Variants in GRM5 observed in about 807,000 individuals in gnomAD.
GRM5 encodes metabotropic glutamate receptor 5.
A neutral mutation model predicts 83.1 loss-of-function variants in GRM5; 19 were observed. That is an observed-to-expected ratio of 0.23 (90% CI 0.16 to 0.34). The LOEUF is 0.34. Ranked by LOEUF, GRM5 falls within the 10% of genes least tolerant of loss-of-function variation. The probability of loss-of-function intolerance (pLI) is 1.00; values close to 1 mark genes in which losing one functional copy is unlikely to be tolerated. For synonymous variants in GRM5, 675 were observed against 633.6 expected, an observed-to-expected ratio of 1.07 and a Z score of -0.98; for missense variants, 1,160 against 1,588.3, an observed-to-expected ratio of 0.73 and a Z score of 4.58.
At chr11:88,644,239 T>C (rs1393033638) in intron 4 of GRM5, among the ~76,000 whole-genome samples, 11 of 152,162 alleles carry the variant, frequency 7.2e-5, no homozygotes, top group Admixed American at 7.2e-4. Flanking sequence ...TATATGAGGA[T>C]TTTAGACCCA....
At chr11:88,829,143 G>A (rs1357862804) in intron 3 of GRM5, among the ~76,000 whole-genome samples, 1 of 151,100 alleles carries the variant, frequency 6.6e-6, no homozygotes, top group Non-Finnish European at 1.5e-5. Context: ...CAAGTATTAA[G>A]TATAATAGAA....
rs1316677477 is a variant in GRM5 at position 88,567,522 on chromosome 11, G to A, written c.2161C>T (p.His721Tyr). The A allele has an allele frequency of 6.2e-7, 1 of 1,613,662 alleles. No homozygotes were observed. Among genetic ancestry groups the A allele is most frequent in the Non-Finnish European group, 8.5e-7 (1 of 1,179,550 alleles). ...LFIMEPPDIM[H>Y]DYPSIREVYL... ...ACTTCTCGAATGCTTGGGTAGTCATGCATTATGTCAGGAGGCTCCATTATA... is the reference window on the plus strand; with the variant it reads ...ACTTCTCGAATGCTTGGGTAGTCATACATTATGTCAGGAGGCTCCATTATA... Residue 721 changes from histidine to tyrosine, a missense_variant, in exon 8 of 10, where the codon CAT (histidine) becomes TAT (tyrosine). His to Tyr is a moderately conservative substitution (Grantham distance 83). Coordinates refer to ENST00000305447, the MANE Select transcript of GRM5 (RefSeq NM_001143831.3). This position sits in a 1 kb window ranked among gnomAD's most constrained non-coding sequence, Gnocchi z 7.3.
intron 3 of GRM5, among the ~76,000 whole-genome samples, chr11:88,686,009 C>T (rs2135351597): frequency 6.6e-6 from 1 of 152,176 alleles, no homozygotes; most frequent in East Asian, 1.9e-4. Context: ...GAGAAGAGGT[C>T]GACTGTCCTC....
intron 3 of GRM5, among the ~76,000 whole-genome samples, chr11:88,832,741 C>A (rs553945375): frequency 6.6e-6 from 1 of 152,036 alleles, no homozygotes; most frequent in African/African-American, 2.4e-5. Context: ...GTGACCAAAA[C>A]AATATGGTAT....
chr11:88,662,053 A>T (rs1939920950), intron 3 of GRM5, among the ~76,000 whole-genome samples: 1 of 152,184 alleles, frequency 6.6e-6, no homozygotes, highest in African/African-American at 2.4e-5. Flanking sequence ...ATATCAGAAC[A>T]TTCAAAAGAA....
chr11:89,000,165 C>G (rs959744142), intron 2 of GRM5, among the ~76,000 whole-genome samples: 3 of 152,188 alleles, frequency 2.0e-5, no homozygotes, highest in African/African-American at 4.8e-5. Flanking sequence ...GTGCAGCACA[C>G]CAACATGGCA....
chr11:88,815,319 A>G (rs1294429144), intron 3 of GRM5, among the ~76,000 whole-genome samples: 1 of 152,240 alleles, frequency 6.6e-6, no homozygotes, highest in Non-Finnish European at 1.5e-5. Context: ...AAACATTTAT[A>G]ATAACTCATG....
At chr11:88,769,606 A>C (rs1197574439) in intron 3 of GRM5, among the ~76,000 whole-genome samples, 1 of 152,040 alleles carries the variant, frequency 6.6e-6, no homozygotes, top group Non-Finnish European at 1.5e-5. Context: ...CAACAGCAAG[A>C]ACAAAATACA....
At chr11:88,634,667 A>T (rs1028171311) in intron 4 of GRM5, among the ~76,000 whole-genome samples, 1 of 152,200 alleles carries the variant, frequency 6.6e-6, no homozygotes, top group African/African-American at 2.4e-5. Flanking sequence ...GACTTGCCTG[A>T]GGATGTTTTA....
intron 1 of GRM5, among the ~76,000 whole-genome samples, chr11:89,065,214 C>T (rs1942075581): frequency 6.6e-6 from 1 of 151,460 alleles, no homozygotes; most frequent in Admixed American, 6.6e-5. Context: ...CCCTCAAACA[C>T]CTAATGGGCT....
chr11:88,633,693 T>A (rs1565163351), intron 4 of GRM5, among the ~76,000 whole-genome samples: 1 of 152,142 alleles, frequency 6.6e-6, no homozygotes, highest in Non-Finnish European at 1.5e-5. Context: ...TTATTAGTTT[T>A]TGTAAAGAGG....
At chr11:88,803,566 C>A (rs868722077) in intron 3 of GRM5, among the ~76,000 whole-genome samples, 1 of 152,170 alleles carries the variant, frequency 6.6e-6, no homozygotes, top group Non-Finnish European at 1.5e-5. Flanking sequence ...AACGTTGGAC[C>A]TAAAACCATA....
At chr11:88,597,881 T>C (rs964451726) in intron 5 of GRM5, among the ~76,000 whole-genome samples, 1 of 152,104 alleles carries the variant, frequency 6.6e-6, no homozygotes, top group African/African-American at 2.4e-5. Flanking sequence ...TTTAAAAAAG[T>C]TTGAAAATAG....
At chr11:88,815,374 G>A (rs913633205) in intron 3 of GRM5, among the ~76,000 whole-genome samples, 3 of 152,146 alleles carry the variant, frequency 2.0e-5, no homozygotes, top group African/African-American at 7.2e-5. Context: ...ATATTTTGAA[G>A]TATATACAAA....
intron 2 of GRM5, among the ~76,000 whole-genome samples, chr11:88,853,572 T>C (rs1394730928): frequency 2.2e-5 from 3 of 135,356 alleles, no homozygotes; most frequent in African/African-American, 5.4e-5. Context: ...TTAAAAGTAG[T>C]TACTTTTTAA....
At chr11:88,904,557 AT>A (rs2135599186) in intron 2 of GRM5, among the ~76,000 whole-genome samples, 1 of 152,276 alleles carries the variant, frequency 6.6e-6, no homozygotes, top group East Asian at 1.9e-4. Flanking sequence ...AACACTGGAA[AT>A]AGCTTTAGCT....
At chr11:88,828,806 TGGC>T (rs1943937240) in intron 3 of GRM5, among the ~76,000 whole-genome samples, 1 of 152,078 alleles carries the variant, frequency 6.6e-6, no homozygotes, top group African/African-American at 2.4e-5. Context: ...AAACATTAAG[TGGC>T]TTTTCTCATT....
At chr11:88,738,927 C>T (rs868455317) in intron 3 of GRM5, among the ~76,000 whole-genome samples, 16 of 152,088 alleles carry the variant, frequency 1.1e-4, no homozygotes, top group African/African-American at 3.6e-4. Context: ...TCTTCTTCGC[C>T]TATCTTTACA....
chr11:88,959,028 C>T (rs1938705990), intron 2 of GRM5, among the ~76,000 whole-genome samples: 1 of 151,892 alleles, frequency 6.6e-6, no homozygotes, highest in Admixed American at 6.6e-5. Flanking sequence ...TGTCAGAAAG[C>T]CTACAGAAAA....
Sources: allele counts gnomAD v4.1 joint callset (sites outside exome capture counted in the v4.1 genomes callset), GRCh38; gene constraint gnomAD v4.1.1; non-coding constraint Gnocchi (gnomAD v3.1); transcripts MANE v1.5; gene names NCBI Gene and HGNC (gene_info 2026-07-23, HGNC 2026-07-21).